Variants in UNC5D observed in about 807,000 individuals in gnomAD.
UNC5D encodes netrin receptor UNC5D.
In UNC5D, 39 loss-of-function variants were observed where a neutral mutation model predicts 105.4. That is an observed-to-expected ratio of 0.37 (90% CI 0.29 to 0.48). UNC5D has a LOEUF of 0.48. Among genes scored for constraint, UNC5D ranks in the 20% least tolerant of loss-of-function variants. The pLI is 0.98. For missense variants in UNC5D, 991 were observed against 1,202.4 expected (o/e 0.82, Z 2.60); for synonymous variants, 452 against 450.4 (o/e 1.00, Z -0.04).
chr8:35,514,328 T>TA (rs751918335), intron 1 of UNC5D, among the ~76,000 whole-genome samples: 25 of 152,192 alleles, frequency 1.6e-4, no homozygotes, highest in Non-Finnish European at 2.9e-4. Flanking sequence ...GCCAGACTCT[T>TA]ACACAACTAG....
intron 1 of UNC5D, among the ~76,000 whole-genome samples, chr8:35,368,170 A>G (rs990108201): frequency 2.0e-5 from 3 of 152,224 alleles, no homozygotes; most frequent in Non-Finnish European, 4.4e-5. Context: ...TGAAAACATT[A>G]TCTTGGTTAA....
At chr8:35,525,037 TA>T in intron 1 of UNC5D, 1 of 748,680 alleles carries the variant, frequency 1.3e-6, no homozygotes, top group Non-Finnish European at 2.1e-6. Flanking sequence ...TGTTCAAGTC[TA>T]AGATTTGGAA....
At position 35,641,225 on chromosome 8, in the gene UNC5D, T is replaced by C. The variant is rs77650046; in HGVS notation, c.571-42322T>C. ...TCCTGTGTTGATATTCATCTCCTCATTTGATACGAAGGCAAAGTCTACTAA... is the reference window on the plus strand; with the variant it reads ...TCCTGTGTTGATATTCATCTCCTCACTTGATACGAAGGCAAAGTCTACTAA... On this transcript the variant is annotated intron_variant, in intron 4 of 16. Coordinates refer to ENST00000404895, the MANE Select transcript of UNC5D (RefSeq NM_080872.4). 9.0e-4 allele frequency among the ~76,000 whole-genome samples: 137 copies of C among 152,120 alleles called. 6 individuals are homozygous for C. The East Asian group carries it at 0.02, about 23-fold the overall frequency.
chr8:35,649,471 T>G (rs188816136), intron 4 of UNC5D, among the ~76,000 whole-genome samples: 28 of 152,250 alleles, frequency 1.8e-4, no homozygotes, highest in Admixed American at 1.8e-3. Flanking sequence ...CAATGAGAAT[T>G]TTACTTGACC....
At chr8:35,493,868 A>G (rs1811371267) in intron 1 of UNC5D, among the ~76,000 whole-genome samples, 1 of 152,184 alleles carries the variant, frequency 6.6e-6, no homozygotes. Context: ...TACCATGGGC[A>G]AAGTTACTAA....
chr8:35,495,455 CAACAAAAA>C (rs1208784938), intron 1 of UNC5D, among the ~76,000 whole-genome samples: 51 of 32,396 alleles, frequency 1.6e-3, no homozygotes, highest in African/African-American at 2.9e-3. Context: ...ACAACAACAA[CAACAAAAA>C]AAAAAAAAAA....
At chr8:35,434,187 A>T (rs1044893088) in intron 1 of UNC5D, among the ~76,000 whole-genome samples, 13 of 152,172 alleles carry the variant, frequency 8.5e-5, no homozygotes, top group African/African-American at 3.1e-4. Context: ...CAAAATTGAC[A>T]GTAAATTAAA....
At chr8:35,412,190 G>A (rs1364040098) in intron 1 of UNC5D, among the ~76,000 whole-genome samples, 1 of 151,952 alleles carries the variant, frequency 6.6e-6, no homozygotes, top group African/African-American at 2.4e-5. Flanking sequence ...TGGCTGTTAG[G>A]TTCCCTGAGC....
intron 1 of UNC5D, among the ~76,000 whole-genome samples, chr8:35,539,703 C>T (rs895534257): frequency 1.3e-5 from 2 of 152,108 alleles, no homozygotes; most frequent in African/African-American, 2.4e-5. Flanking sequence ...CAAAAAATTC[C>T]GTCGAATCAT....
chr8:35,549,549 CTT>C, intron 2 of UNC5D, 39 bp downstream of exon 2: 2 of 1,574,802 alleles, frequency 1.3e-6, no homozygotes, highest in Middle Eastern at 4.6e-4. Context: ...TGTGGTGACT[CTT>C]TAGGTTCTCC....
At position 35,748,581 on chromosome 8, in the gene UNC5D, T is replaced by G; in HGVS notation, c.1821T>G (p.Pro607=). Residue 607 remains proline (P), a synonymous_variant, in exon 12 of 17, where the codon CCT becomes CCG. Transcript: ENST00000404895. ...VLLSPEVTCG[P]PDMIVTTPFA... ...TGAGTCCTGAAGTCACCTGTGGTCC[T>G]CCAGACATGATCGTCACCACTCCCT... 2.5e-6 allele frequency: 4 copies of G among 1,614,068 alleles called. No individual in the cohort carries two copies. Among genetic ancestry groups the G allele is most frequent in the Non-Finnish European group, 3.4e-6 (4 of 1,179,950 alleles).
intron 8 of UNC5D, among the ~76,000 whole-genome samples, chr8:35,720,154 T>C (rs1828497163): frequency 6.6e-6 from 1 of 152,170 alleles, no homozygotes; most frequent in Non-Finnish European, 1.5e-5. Flanking sequence ...TTGTTCCTGC[T>C]GTTTGGTTTT....
At chr8:35,426,796 A>T (rs1806278720) in intron 1 of UNC5D, among the ~76,000 whole-genome samples, 1 of 152,116 alleles carries the variant, frequency 6.6e-6, no homozygotes, top group Non-Finnish European at 1.5e-5. Context: ...TGTTAGCTAG[A>T]CCTCTGAGAT....
chr8:35,440,116 G>C (rs1807302371), intron 1 of UNC5D, among the ~76,000 whole-genome samples: 1 of 151,992 alleles, frequency 6.6e-6, no homozygotes, highest in African/African-American at 2.4e-5. Context: ...CTGGTGACCT[G>C]TATTGCCAGG....
intron 16 of UNC5D, among the ~76,000 whole-genome samples, chr8:35,786,797 T>C (rs925935728): frequency 6.6e-6 from 1 of 152,106 alleles, no homozygotes; most frequent in Non-Finnish European, 1.5e-5. Flanking sequence ...AAACCTACTT[T>C]AGGTTACAAG....
At chr8:35,775,352 C>A (rs1802196936) in intron 16 of UNC5D, among the ~76,000 whole-genome samples, 1 of 152,158 alleles carries the variant, frequency 6.6e-6, no homozygotes, top group Non-Finnish European at 1.5e-5. Context: ...ACTGCACTAA[C>A]ATTTGTAGTT....
intron 11 of UNC5D, among the ~76,000 whole-genome samples, 192 bp downstream of exon 11, chr8:35,731,288 CTA>C (rs1338387952): frequency 2.7e-5 from 4 of 150,316 alleles, no homozygotes; most frequent in Non-Finnish European, 5.9e-5. Context: ...GTAATCCCAG[CTA>C]CTCAGGAGGC....
intron 16 of UNC5D, among the ~76,000 whole-genome samples, chr8:35,787,983 A>G (rs1277482235): frequency 1.3e-5 from 2 of 152,164 alleles, no homozygotes; most frequent in Non-Finnish European, 2.9e-5. Context: ...ATGAATAACC[A>G]TTAAAGAAAA....
At position 35,368,412 on chromosome 8, in the gene UNC5D, A is replaced by G. The variant is rs577353550; in HGVS notation, c.103+132525A>G. On this transcript the variant is annotated intron_variant, in intron 1 of 16. Transcript: ENST00000404895. ...TAAGCCATTTTAAAGATAGTTTCAGATATCTTTACAGTTCATTCCTGAATA... is the reference window on the plus strand; with the variant it reads ...TAAGCCATTTTAAAGATAGTTTCAGGTATCTTTACAGTTCATTCCTGAATA... 4.6e-5 allele frequency among the ~76,000 whole-genome samples: 7 copies of G among 152,234 alleles called. No homozygotes were observed. In the South Asian group the frequency reaches 1.2e-3, roughly 27 times the overall value.
Sources: allele counts gnomAD v4.1 joint callset (sites outside exome capture counted in the v4.1 genomes callset), GRCh38; gene constraint gnomAD v4.1.1; transcripts MANE v1.5; gene names NCBI Gene and HGNC (gene_info 2026-07-23, HGNC 2026-07-21).